POP1: variants seen among roughly 807,000 people sequenced by gnomAD.
POP1 encodes ribonucleases P/MRP protein subunit POP1.
POP1 carries 75 observed loss-of-function variants against 102.2 expected under a neutral mutation model. The observed-to-expected ratio is 0.73, with a 90% confidence interval of 0.61 to 0.89. POP1 has a LOEUF of 0.89. POP1 is among the 40% of genes least tolerant of loss of function. The pLI is 0.00. For missense variants in POP1, 1,116 were observed against 1,267.4 expected (o/e 0.88, Z 1.81); for synonymous variants, 436 against 464.1 (o/e 0.94, Z 0.78).
At chr8:98,128,933 A>G (rs549969501) in intron 4 of POP1, among the ~76,000 whole-genome samples, 2 of 152,264 alleles carry the variant, frequency 1.3e-5, no homozygotes, top group East Asian at 3.9e-4. Flanking sequence ...AAAGAAAAAA[A>G]AAACTCAGAA....
At chr8:98,145,193 G>A (rs1425424612) in intron 11 of POP1, among the ~76,000 whole-genome samples, 1 of 152,062 alleles carries the variant, frequency 6.6e-6, no homozygotes, top group African/African-American at 2.4e-5. Context: ...CTGGCCTGTT[G>A]TGGCTTTTAA....
At chr8:98,140,946 T>G in intron 11 of POP1, 58 bp downstream of exon 11, 1 of 1,592,574 alleles carries the variant, frequency 6.3e-7, no homozygotes, top group Non-Finnish European at 8.6e-7. Context: ...CCAGTCTTAT[T>G]AGAAGAAGAG....
At chr8:98,124,325 G>C (rs950105772) in intron 2 of POP1, among the ~76,000 whole-genome samples, 5 of 152,200 alleles carry the variant, frequency 3.3e-5, no homozygotes, top group African/African-American at 1.2e-4. Flanking sequence ...ACTTTCAGAG[G>C]CTGAGGCGGG....
At chr8:98,153,119 A>G (rs1015791722) in intron 14 of POP1, among the ~76,000 whole-genome samples, 3 of 152,114 alleles carry the variant, frequency 2.0e-5, no homozygotes, top group African/African-American at 7.2e-5. Context: ...GTAGGTGTGC[A>G]CCACAACTCC....
chr8:98,118,855 G>GA (rs74275389), intron 1 of POP1, among the ~76,000 whole-genome samples: 77 of 142,780 alleles, frequency 5.4e-4, no homozygotes, highest in South Asian at 2.9e-3. Flanking sequence ...GGAAGGGGTG[G>GA]AAAAAAAAAA....
rs1185856998 is a variant in POP1, at chr8:98,150,580, C to T, written c.1998C>T (p.Cys666=). Reference sequence around the variant, plus strand: ...ATGTCCCAGGCGATTTTCCAGACTGCCCTGCCGGGATGCTGTTTGCGGAAG... The same window carrying T: ...ATGTCCCAGGCGATTTTCCAGACTGTCCTGCCGGGATGCTGTTTGCGGAAG... ...SPNVPGDFPD[C]PAGMLFAEEQ... is the part of the protein sequence containing the mutation. The change falls in exon 14 of 16, where the codon TGC becomes TGT. Residue 666 remains cysteine (C), a synonymous_variant. Coordinates refer to ENST00000401707, the MANE Select transcript of POP1 (RefSeq NM_001145860.2). 1.2e-6 allele frequency: 2 copies of T among 1,614,170 alleles called. No individual in the cohort carries two copies. The highest frequency in any genetic ancestry group is 1.7e-6 in the Non-Finnish European group (2 of 1,180,042).
intron 11 of POP1, among the ~76,000 whole-genome samples, chr8:98,141,932 C>A (rs1816715851): frequency 2.6e-5 from 4 of 151,778 alleles, no homozygotes. Flanking sequence ...TCTGTCAGAA[C>A]TTCACATAAA....
intron 4 of POP1, 106 bp from the exon 5 acceptor site, chr8:98,129,872 A>G (rs1429826888): frequency 2.9e-5 from 38 of 1,320,260 alleles, no homozygotes; most frequent in African/African-American, 1.5e-5. Flanking sequence ...AATGGGATCT[A>G]TAAAATATTC....
Position 98,159,122 on chromosome 8 carries a change from ACTT to A in POP1, c.*854_*856del. On this transcript the variant is annotated 3_prime_UTR_variant, in exon 16 of 16. Coordinates refer to ENST00000401707, the MANE Select transcript of POP1 (RefSeq NM_001145860.2). ...AAGTTAAGCATTTCTTTATGAAAGA[ACTT>A]CTGGAAACTTCCATGTGATAATGTG... 1 of 152,330 alleles carries A rather than the reference ACTT, an allele frequency of 6.6e-6. No homozygotes were observed. Among genetic ancestry groups the A allele is most frequent in the African/African-American group, 2.4e-5 (1 of 41,572 alleles). The allele number at this position is 152,330 out of a possible 1,614,324, so 9.4% of individuals were successfully genotyped here.
At position 98,117,369 on chromosome 8, in the gene POP1, G is replaced by C. The variant is rs1815868356; in HGVS notation, c.-24G>C. 1 of 485,896 alleles carries C rather than the reference G, an allele frequency of 2.1e-6. No homozygotes were observed. Among genetic ancestry groups the C allele is most frequent in the African/African-American group, 2.0e-5 (1 of 51,060 alleles). 30.1% of individuals were successfully genotyped at this position (485,896 alleles called of 1,614,324 possible). On this transcript the variant is annotated 5_prime_UTR_variant, in exon 1 of 16. Transcript: ENST00000401707. Reference sequence around the variant, plus strand: ...CGGAGGCTTGTCATTCTGACCCGGGGATTCCTCACAGCGTCTGGCAGGTTG... The same window carrying C: ...CGGAGGCTTGTCATTCTGACCCGGGCATTCCTCACAGCGTCTGGCAGGTTG...
At chr8:98,120,558 G>A (rs1386073763) in intron 1 of POP1, among the ~76,000 whole-genome samples, 2 of 152,138 alleles carry the variant, frequency 1.3e-5, no homozygotes, top group South Asian at 4.2e-4. Context: ...CACAATCTCC[G>A]CCTCCTGGGT....
At chr8:98,155,080 AAGAC>A (rs1240586969) in intron 14 of POP1, among the ~76,000 whole-genome samples, 1 of 152,166 alleles carries the variant, frequency 6.6e-6, no homozygotes, top group Non-Finnish European at 1.5e-5. Context: ...GGTCAAGAGT[AAGAC>A]AGAAACTTCA....
intron 11 of POP1, among the ~76,000 whole-genome samples, chr8:98,142,150 A>T (rs1816722632): frequency 6.6e-6 from 1 of 152,160 alleles, no homozygotes; most frequent in South Asian, 2.1e-4. Flanking sequence ...AACTCTACTT[A>T]GTTTCTCTTG....
chr8:98,139,557 C>CA (rs1403357676), intron 9 of POP1, among the ~76,000 whole-genome samples: 1 of 151,942 alleles, frequency 6.6e-6, no homozygotes, highest in Non-Finnish European at 1.5e-5. Context: ...CATATATCTA[C>CA]AAAAAATAAG....
chr8:98,154,435 G>C (rs182833713), intron 14 of POP1, among the ~76,000 whole-genome samples: 26 of 152,298 alleles, frequency 1.7e-4, no homozygotes, highest in African/African-American at 5.8e-4. Flanking sequence ...GTTGTGGGAG[G>C]GTAAGTGGGT....
Position 98,134,020 on chromosome 8 carries a change from G to A in POP1, c.807G>A (p.Met269Ile). 6.2e-7 allele frequency: 1 copy of A among 1,609,720 alleles called. No individual in the cohort carries two copies. The highest frequency in any genetic ancestry group is 8.5e-7 in the Non-Finnish European group (1 of 1,175,982). Residue 269 changes from methionine (M) to isoleucine (I), a missense_variant, in exon 6 of 16, where the codon ATG (methionine) becomes ATA (isoleucine). By Grantham distance (10) the Met-to-Ile change is conservative. Coordinates refer to ENST00000401707, the MANE Select transcript of POP1 (RefSeq NM_001145860.2). The stretch of plus-strand genomic sequence containing the variant: ...AAATACTAAAGGCGCTTTCTGGAAT[G>A]TGTAACATAGACACAGGTAAACTTG... ...EEEILKALSG[M>I]CNIDTGLTFA... is the part of the protein sequence containing the mutation.
At chr8:98,144,483 T>A (rs1016435393) in intron 11 of POP1, among the ~76,000 whole-genome samples, 6 of 152,004 alleles carry the variant, frequency 3.9e-5, no homozygotes, top group Non-Finnish European at 8.8e-5. Flanking sequence ...CTAAATTGCC[T>A]AGGCTGGTCT....
intron 14 of POP1, among the ~76,000 whole-genome samples, chr8:98,152,370 T>C (rs542770721): frequency 1.3e-5 from 2 of 152,330 alleles, no homozygotes; most frequent in African/African-American, 4.8e-5. Flanking sequence ...AAAATATGAC[T>C]CTAAACCAAG....
intron 1 of POP1, among the ~76,000 whole-genome samples, chr8:98,122,046 C>T (rs1375019603): frequency 6.6e-6 from 1 of 152,106 alleles, no homozygotes; most frequent in Non-Finnish European, 1.5e-5. Flanking sequence ...CCAGGTTGGT[C>T]TCGGACTCCT....
Sources: gnomAD v4.1 joint callset for allele counts (sites outside exome capture counted in the v4.1 genomes callset) on GRCh38, gnomAD v4.1.1 for gene constraint, MANE v1.5 for transcripts, NCBI Gene and HGNC (gene_info 2026-07-23, HGNC 2026-07-21) for gene names.